SEPTIN2: variants seen among roughly 807,000 people sequenced by gnomAD.
SEPTIN2 encodes the protein septin 2.
Under a neutral mutation model 46.5 loss-of-function variants are expected in SEPTIN2, and 34 were observed. The ratio of observed to expected loss-of-function variants is 0.73; its 90% CI spans 0.56 to 0.97. The LOEUF (loss-of-function observed/expected upper bound fraction) is 0.97, where lower values mean the gene tolerates loss of function less well. SEPTIN2 is among the 50% of genes least tolerant of loss of function. The probability of loss-of-function intolerance (pLI) is 0.00; values close to 1 mark genes in which losing one functional copy is unlikely to be tolerated. For missense variants in SEPTIN2, 347 were observed against 448.4 expected (o/e 0.77, Z 2.04); for synonymous variants, 175 against 153.4 (o/e 1.14, Z -1.04).
At chr2:241,325,878 T>G in intron 2 of SEPTIN2, 115 bp from the exon 3 acceptor site, 1 of 981,370 alleles carries the variant, frequency 1.0e-6, no homozygotes, top group Admixed American at 3.0e-5. Flanking sequence ...TGTTTATACT[T>G]TTTAAAAAAT....
intron 3 of SEPTIN2, among the ~76,000 whole-genome samples, chr2:241,329,021 T>A (rs62193162): frequency 0.33 from 50,162 of 151,404 alleles, 9,405 homozygotes; most frequent in East Asian, 0.67. Flanking sequence ...ACTCCATCTC[T>A]CACACACAAA....
intron 2 of SEPTIN2, chr2:241,324,463 C>G (rs953504888): frequency 9.8e-6 from 5 of 509,588 alleles, no homozygotes; most frequent in Non-Finnish European, 1.8e-5. Context: ...TCTCAGCTCA[C>G]TGCAACTTCT....
chr2:241,342,279 C>T (rs971039248), intron 7 of SEPTIN2, among the ~76,000 whole-genome samples: 2 of 151,162 alleles, frequency 1.3e-5, no homozygotes, highest in African/African-American at 4.9e-5. Context: ...TGGGGTACTT[C>T]TCCCTTCTCT....
Position 241,336,307 on chromosome 2 carries a change from C to T in SEPTIN2, c.341+209C>T, listed in dbSNP as rs139680984. The T allele has an allele frequency of 8.0e-5, 45 of 561,032 alleles. No homozygotes were observed. The East Asian group carries it at 8.9e-4, about 11-fold the overall frequency. The allele number at this position is 561,032 out of a possible 1,614,324, so 34.8% of individuals were successfully genotyped here. ...CTGGTACTCTACTGTAATTTGAGAT[C>T]GCAAAGCCAGTCATCCATAGACTGC... On this transcript the variant is annotated intron_variant, in intron 5 of 12. Coordinates refer to ENST00000391971, the MANE Select transcript of SEPTIN2 (RefSeq NM_004404.5).
At chr2:241,324,409 A>AC in intron 2 of SEPTIN2, 168 bp downstream of exon 2, 1 of 549,058 alleles carries the variant, frequency 1.8e-6, no homozygotes, top group Admixed American at 3.4e-5. Context: ...TTTTTTTGAG[A>AC]CGGGAGTCTT....
At chr2:241,335,528 T>A in intron 4 of SEPTIN2, 1 of 666,182 alleles carries the variant, frequency 1.5e-6, no homozygotes, top group Non-Finnish European at 2.6e-6. Flanking sequence ...GCTGTGTAAC[T>A]AGAAGATTAC....
chr2:241,332,162 A>C (rs1351353518), intron 3 of SEPTIN2, among the ~76,000 whole-genome samples: 1 of 152,246 alleles, frequency 6.6e-6, no homozygotes, highest in Non-Finnish European at 1.5e-5. Context: ...TTCTTAAGAC[A>C]TGAAGAATAG....
At chr2:241,325,164 A>G (rs1312237552) in intron 2 of SEPTIN2, 3 of 152,228 alleles carry the variant, frequency 2.0e-5, no homozygotes, top group Non-Finnish European at 4.4e-5. Context: ...GCATTTGACT[A>G]TACATTTACA....
At chr2:241,338,979 T>C (rs1302580327) in intron 7 of SEPTIN2, among the ~76,000 whole-genome samples, 4 of 110,474 alleles carry the variant, frequency 3.6e-5, no homozygotes, top group Non-Finnish European at 6.7e-5. Flanking sequence ...ATATAATATA[T>C]AAATATATTT....
Position 241,353,120 on chromosome 2 carries a change from T to A in SEPTIN2, c.*1183T>A, listed in dbSNP as rs571046474. Reference sequence around the variant, plus strand: ...TGGGAGGAAAGTAGCAGTCATCATCTTTTTGTGTGCAGGCTGTCTCATTTA... The same window carrying A: ...TGGGAGGAAAGTAGCAGTCATCATCATTTTGTGTGCAGGCTGTCTCATTTA... On this transcript the variant is annotated 3_prime_UTR_variant, in exon 13 of 13. Coordinates refer to ENST00000391971, the MANE Select transcript of SEPTIN2 (RefSeq NM_004404.5). 3 of 152,382 alleles carry A rather than the reference T, an allele frequency of 2.0e-5. No individual in the cohort carries two copies. The South Asian group carries it at 6.2e-4, about 32-fold the overall frequency. The allele number at this position is 152,382 out of a possible 1,614,324, so 9.4% of individuals were successfully genotyped here. A position where few individuals can be genotyped will look rare whatever the true frequency, so the allele number is the denominator to read the frequency against.
At chr2:241,315,676 C>CT (rs1357006162), upstream of SEPTIN2, 1 of 152,474 alleles carries the variant, frequency 6.6e-6, no homozygotes, top group Non-Finnish European at 1.5e-5. Flanking sequence ...TACGCTTGAC[C>CT]TCCCCCCCCA....
chr2:241,321,180 T>TA (rs1247947945), intron 1 of SEPTIN2, among the ~76,000 whole-genome samples: 2 of 152,248 alleles, frequency 1.3e-5, no homozygotes, highest in Non-Finnish European at 2.9e-5. Flanking sequence ...TTTGTTGTAT[T>TA]ACTCAGTTCT....
rs764662921 is a variant in SEPTIN2 at position 241,324,259 on chromosome 2, G to C, written c.9+18G>C. The C allele has an allele frequency of 6.2e-7, 1 of 1,603,662 alleles. No homozygotes were observed. Among genetic ancestry groups the C allele is most frequent in the East Asian group, 2.2e-5 (1 of 44,792 alleles). ...TGTCTAAGGTAAGATCATACTTCAT[G>C]TATCTACAGCATAAGGAGAAATTGC... On this transcript the variant is annotated intron_variant, in intron 2 of 12. Coordinates refer to ENST00000391971, the MANE Select transcript of SEPTIN2 (RefSeq NM_004404.5).
intron 10 of SEPTIN2, among the ~76,000 whole-genome samples, chr2:241,346,774 G>T (rs779947261): frequency 2.6e-5 from 4 of 151,856 alleles, no homozygotes; most frequent in Non-Finnish European, 5.9e-5. Flanking sequence ...AAAAACTTTA[G>T]ATGGAAAGGC....
intron 9 of SEPTIN2, among the ~76,000 whole-genome samples, chr2:241,345,358 C>T (rs1037515644): frequency 2.5e-4 from 38 of 152,204 alleles, no homozygotes; most frequent in African/African-American, 8.9e-4. Flanking sequence ...GCGCACTCAG[C>T]CCCTCCAGGG....
intron 1 of SEPTIN2, chr2:241,317,087 T>C (rs1367019615): frequency 6.6e-6 from 1 of 152,322 alleles, no homozygotes; most frequent in Non-Finnish European, 1.5e-5. Flanking sequence ...ATATTTAATG[T>C]TTCAAAATAG....
At chr2:241,348,071 T>G (rs921379635) in intron 10 of SEPTIN2, 63 bp from the exon 11 acceptor site, 37 of 1,291,736 alleles carry the variant, frequency 2.9e-5, no homozygotes, top group Middle Eastern at 1.9e-4. Context: ...GTAGAATTTT[T>G]TGGGGGGGTA....
At chr2:241,328,340 G>C (rs1034384668) in intron 3 of SEPTIN2, among the ~76,000 whole-genome samples, 1 of 151,934 alleles carries the variant, frequency 6.6e-6, no homozygotes, top group Non-Finnish European at 1.5e-5. Context: ...CTGAGGCCAG[G>C]AGTATCACTT....
intron 3 of SEPTIN2, among the ~76,000 whole-genome samples, chr2:241,331,187 C>A (rs926453058): frequency 3.3e-5 from 5 of 151,850 alleles, no homozygotes; most frequent in African/African-American, 7.3e-5. Flanking sequence ...TCAAAAAAAA[C>A]AAAAGAAAAA....
Sources: allele counts gnomAD v4.1 joint callset (sites outside exome capture counted in the v4.1 genomes callset), GRCh38; gene constraint gnomAD v4.1.1; transcripts MANE v1.5; gene names NCBI Gene and HGNC (gene_info 2026-07-23, HGNC 2026-07-21).